The following DCDC2C variants were observed in gnomAD, a reference collection of about 807,000 sequenced individuals.
DCDC2C encodes doublecortin domain-containing protein 2C.
In DCDC2C, 44 loss-of-function variants were observed where a neutral mutation model predicts 45.0. That is an observed-to-expected ratio of 0.98 (90% confidence interval 0.77 to 1.26). The LOEUF (loss-of-function observed/expected upper bound fraction) is 1.26, where lower values mean the gene tolerates loss of function less well. DCDC2C is among the 50% of genes most tolerant of loss of function. DCDC2C has a pLI of 0.00. For missense variants in DCDC2C, 447 were observed against 468.9 expected (o/e 0.95, Z 0.43); for synonymous variants, 187 against 178.8 (o/e 1.05, Z -0.37).
In DCDC2C at chr2:3,846,646, G is replaced by A. The variant is rs1336353518; in HGVS notation, c.1066-508G>A. On this transcript the variant is annotated intron_variant, in intron 10 of 10. Transcript: ENST00000399143. ...ATTTAAAATGTCGCCTCTAGATGAT[G>A]TTCACATTTTGGGGCTTAGTTTTAG... Among the ~76,000 whole-genome samples the A allele has an allele frequency of 3.9e-5, 6 of 152,318 alleles. No homozygotes were observed. The South Asian group carries it at 1.2e-3, about 32-fold the overall frequency.
chr2:3,811,564 A>G (rs777823229), intron 10 of DCDC2C, among the ~76,000 whole-genome samples: 9 of 152,040 alleles, frequency 5.9e-5, no homozygotes, highest in African/African-American at 2.2e-4. Flanking sequence ...ATTTGAACAC[A>G]CTTTCTTTCT....
chr2:3,810,467 G>A (rs1343242104), intron 10 of DCDC2C, among the ~76,000 whole-genome samples: 1 of 152,120 alleles, frequency 6.6e-6, no homozygotes, highest in Admixed American at 6.5e-5. Context: ...TTAAGTCCTT[G>A]TAAATTCTGG....
At chr2:3,737,074 G>C (rs1669051825) in intron 3 of DCDC2C, among the ~76,000 whole-genome samples, 1 of 152,090 alleles carries the variant, frequency 6.6e-6, no homozygotes, top group Admixed American at 6.5e-5. Context: ...TCCAATCCAT[G>C]TACCCCCCGC....
At chr2:3,711,604 C>G (rs1167665868) in intron 2 of DCDC2C, among the ~76,000 whole-genome samples, 2 of 152,160 alleles carry the variant, frequency 1.3e-5, no homozygotes, top group African/African-American at 2.4e-5. Context: ...AGTGCCTGCT[C>G]TAGGAGGATG....
intron 10 of DCDC2C, among the ~76,000 whole-genome samples, chr2:3,799,902 C>T (rs56317255): frequency 0.34 from 51,310 of 152,134 alleles, 9,793 homozygotes; most frequent in East Asian, 0.52. Flanking sequence ...CCACCCAGTT[C>T]GAGCTTCCCA....
At chr2:3,826,647 G>A (rs899115877) in intron 10 of DCDC2C, among the ~76,000 whole-genome samples, 3 of 152,068 alleles carry the variant, frequency 2.0e-5, no homozygotes, top group Non-Finnish European at 4.4e-5. Flanking sequence ...CATCTTCTGA[G>A]GTTCGAAGGT....
intron 10 of DCDC2C, among the ~76,000 whole-genome samples, chr2:3,836,213 C>G (rs894922456): frequency 6.6e-6 from 1 of 152,132 alleles, no homozygotes; most frequent in Non-Finnish European, 1.5e-5. Context: ...GTGGAACTGT[C>G]CCCCTCCAGT....
chr2:3,837,619 A>C (rs1672113042), intron 10 of DCDC2C, among the ~76,000 whole-genome samples: 4 of 102,302 alleles, frequency 3.9e-5, no homozygotes, highest in Admixed American at 1.0e-4. Flanking sequence ...GAAGAAACTG[A>C]GGAAGAAATC....
intron 10 of DCDC2C, among the ~76,000 whole-genome samples, chr2:3,827,432 T>C (rs1406416735): frequency 6.6e-6 from 1 of 151,974 alleles, no homozygotes; most frequent in Non-Finnish European, 1.5e-5. Context: ...GCTCTCTGGG[T>C]GGTGATCTTC....
At chr2:3,723,506 G>A (rs1668551783) in intron 2 of DCDC2C, among the ~76,000 whole-genome samples, 3 of 152,224 alleles carry the variant, frequency 2.0e-5, no homozygotes, top group Admixed American at 2.0e-4. Context: ...CCAGAGAGCA[G>A]GGAGGCTGGG....
intron 4 of DCDC2C, among the ~76,000 whole-genome samples, chr2:3,745,938 G>A (rs191500569): frequency 8.8e-4 from 133 of 151,264 alleles, no homozygotes; most frequent in Non-Finnish European, 9.6e-4. Context: ...ATTATTCTTC[G>A]TGGTATTAAA....
chr2:3,778,101 C>T (rs1410241410), intron 8 of DCDC2C, among the ~76,000 whole-genome samples: 2 of 144,988 alleles, frequency 1.4e-5, no homozygotes, highest in Middle Eastern at 3.6e-3. Context: ...GCACCCACAC[C>T]GCATCTTCTC....
intron 2 of DCDC2C, among the ~76,000 whole-genome samples, chr2:3,710,873 G>A (rs1668189939): frequency 6.6e-6 from 1 of 152,192 alleles, no homozygotes; most frequent in Admixed American, 6.5e-5. Flanking sequence ...ATGGGCACAA[G>A]GTTGATTCAA....
Position 3,754,553 on chromosome 2 carries a change from G to A in DCDC2C, c.684-39G>A, listed in dbSNP as rs1051656769. 3.5e-5 allele frequency: 54 copies of A among 1,544,592 alleles called. No homozygotes were observed. The African/African-American group carries it at 4.4e-4, about 13-fold the overall frequency. ...CATTTTATAGAGATAACTTAGGGCC[G>A]GGCTTTACATTTCAAGTTGAACATC... On this transcript the variant is annotated intron_variant, in intron 5 of 10. Transcript: ENST00000399143.
At chr2:3,832,984 G>A (rs1024288388) in intron 10 of DCDC2C, among the ~76,000 whole-genome samples, 1 of 152,242 alleles carries the variant, frequency 6.6e-6, no homozygotes, top group Non-Finnish European at 1.5e-5. Context: ...CTAAAGCCAA[G>A]TTGCTGGCTT....
intron 4 of DCDC2C, among the ~76,000 whole-genome samples, chr2:3,747,139 C>T (rs965964296): frequency 6.6e-6 from 1 of 152,178 alleles, no homozygotes; most frequent in Non-Finnish European, 1.5e-5. Flanking sequence ...GGGCGGGACA[C>T]ACATGCACGC....
intron 8 of DCDC2C, among the ~76,000 whole-genome samples, chr2:3,773,593 T>G (rs2148162250): frequency 6.6e-6 from 1 of 152,348 alleles, no homozygotes; most frequent in East Asian, 1.9e-4. Flanking sequence ...AAATTCTGAT[T>G]TAAGTACTAC....
intron 10 of DCDC2C, among the ~76,000 whole-genome samples, chr2:3,800,556 A>G (rs1241868631): frequency 6.6e-6 from 1 of 152,248 alleles, no homozygotes; most frequent in Non-Finnish European, 1.5e-5. Context: ...CAAGTAAAGT[A>G]GTTCCATGAA....
At chr2:3,838,452 C>CAGAG (rs61141962) in intron 10 of DCDC2C, among the ~76,000 whole-genome samples, 11,101 of 112,224 alleles carry the variant, frequency 0.099, 582 homozygotes, top group African/African-American at 0.17. Flanking sequence ...AGGATCATGA[C>CAGAG]AGAGAGAGAG....
Sources: allele counts gnomAD v4.1 joint callset (sites outside exome capture counted in the v4.1 genomes callset), GRCh38; gene constraint gnomAD v4.1.1; transcripts MANE v1.5; gene names NCBI Gene and HGNC (gene_info 2026-07-23, HGNC 2026-07-21).